Variants in GUCY2C observed in about 807,000 individuals in gnomAD.
GUCY2C encodes the protein guanylyl cyclase C.
GUCY2C carries 118 observed loss-of-function variants against 131.1 expected under a neutral mutation model. The observed-to-expected ratio is 0.90, with a 90% CI of 0.78 to 1.05. The LOEUF is 1.05. Ranked by LOEUF, GUCY2C falls within the 50% of genes least tolerant of loss-of-function variation. The pLI is 0.00. For missense variants in GUCY2C, 1,161 were observed against 1,304.4 expected (o/e 0.89, Z 1.69); for synonymous variants, 452 against 457.8 (o/e 0.99, Z 0.16).
Position 14,692,347 on chromosome 12 carries a change from C to T in GUCY2C, c.217+3885G>A, listed in dbSNP as rs151338547. ...AAAAGTGTAAACCAGTCTTCTCACT[C>T]GCTTTGTTTTTTTTCTTTTTTGGCT... On this transcript the variant is annotated intron_variant, in intron 1 of 26. Coordinates refer to ENST00000261170, the MANE Select transcript of GUCY2C (RefSeq NM_004963.4). 2.4e-4 allele frequency among the ~76,000 whole-genome samples: 37 copies of T among 152,128 alleles called. No homozygotes were observed. The East Asian group carries it at 6.2e-3, about 25-fold the overall frequency.
intron 19 of GUCY2C, among the ~76,000 whole-genome samples, chr12:14,635,124 T>C (rs1360383210): frequency 4.6e-5 from 7 of 152,140 alleles, no homozygotes; most frequent in Admixed American, 2.0e-4. Flanking sequence ...GAACCTAACA[T>C]TTACAGAACA....
At chr12:14,644,152 A>C (rs1471830812) in intron 16 of GUCY2C, among the ~76,000 whole-genome samples, 1 of 152,138 alleles carries the variant, frequency 6.6e-6, no homozygotes, top group African/African-American at 2.4e-5. Flanking sequence ...AAGTGGTTTC[A>C]TCCTATTTTG....
chr12:14,683,993 CCTTT>C (rs1171008085), intron 3 of GUCY2C, among the ~76,000 whole-genome samples: 2 of 152,116 alleles, frequency 1.3e-5, no homozygotes, highest in Non-Finnish European at 2.9e-5. Context: ...AGTTATCCTC[CCTTT>C]CTATGTCCAC....
chr12:14,665,831 C>G (rs557416162), intron 10 of GUCY2C: 2 of 152,168 alleles, frequency 1.3e-5, no homozygotes, highest in African/African-American at 4.8e-5. Flanking sequence ...TCCAGTCATG[C>G]ATATCGTATT....
intron 10 of GUCY2C, among the ~76,000 whole-genome samples, chr12:14,668,600 G>T (rs546849625): frequency 1.3e-5 from 2 of 150,780 alleles, no homozygotes; most frequent in African/African-American, 4.9e-5. Flanking sequence ...CACCACGCTT[G>T]GCTCTAAATA....
intron 19 of GUCY2C, among the ~76,000 whole-genome samples, chr12:14,630,850 A>G (rs919857686): frequency 1.3e-5 from 2 of 152,172 alleles, no homozygotes; most frequent in African/African-American, 4.8e-5. Flanking sequence ...AACTACACAA[A>G]TGAATTAAAG....
chr12:14,669,931 C>T lies in GUCY2C; in HGVS notation c.1171-98G>A, dbSNP rs79800888. The T allele has an allele frequency of 6.0e-3, 3,218 of 535,498 alleles. 112 individuals are homozygous for T. The highest frequency in any genetic ancestry group is 0.058 in the African/African-American group (2,946 of 50,830). The allele number at this position is 535,498 out of a possible 1,614,324, so 33.2% of individuals were successfully genotyped here. On this transcript the variant is annotated intron_variant, in intron 9 of 26. Transcript: ENST00000261170. Reference sequence around the variant, plus strand: ...ATTCTACACAATGACGCTTGATTTCCATAACAATTCTCAGTGAAAAAAGGC... The same window carrying T: ...ATTCTACACAATGACGCTTGATTTCTATAACAATTCTCAGTGAAAAAAGGC...
chr12:14,626,748 G>A (rs1415144291), intron 20 of GUCY2C, among the ~76,000 whole-genome samples: 1 of 152,166 alleles, frequency 6.6e-6, no homozygotes, highest in Non-Finnish European at 1.5e-5. Flanking sequence ...GTATTATTAA[G>A]CGAAAAAGTC....
At chr12:14,652,801 T>C in intron 13 of GUCY2C, 151 bp downstream of exon 13, 1 of 663,640 alleles carries the variant, frequency 1.5e-6, no homozygotes, top group Non-Finnish European at 2.7e-6. Flanking sequence ...AGCAGGGCCC[T>C]GCCCATCCCT....
chr12:14,622,272 A>G, intron 21 of GUCY2C, 75 bp from the exon 22 acceptor site: 1 of 930,640 alleles, frequency 1.1e-6, no homozygotes, highest in Admixed American at 3.5e-5. Flanking sequence ...TCTTTCAGGT[A>G]GTAGTGATTG....
At chr12:14,674,868 G>T in intron 7 of GUCY2C, 108 bp from the exon 8 acceptor site, 1 of 801,266 alleles carries the variant, frequency 1.2e-6, no homozygotes, top group Non-Finnish European at 2.0e-6. Context: ...AAGTTAAAGG[G>T]ATATCAGGGG....
At chr12:14,659,330 A>C (rs1033662945) in intron 11 of GUCY2C, among the ~76,000 whole-genome samples, 1 of 152,174 alleles carries the variant, frequency 6.6e-6, no homozygotes, top group African/African-American at 2.4e-5. Context: ...GGTGTGAGCC[A>C]CTGTGTTCGG....
At chr12:14,676,268 G>T (rs1948234455) in intron 7 of GUCY2C, among the ~76,000 whole-genome samples, 1 of 152,194 alleles carries the variant, frequency 6.6e-6, no homozygotes, top group African/African-American at 2.4e-5. Flanking sequence ...CCATGATTTA[G>T]TGTCCAAATG....
Position 14,665,074 on chromosome 12 carries a change from C to T in GUCY2C, c.1283-4012G>A, listed in dbSNP as rs184421613. The stretch of plus-strand genomic sequence containing the variant: ...TAAAAACATAAAAATTAGCCGGCCG[C>T]GGTGGCAGGTGCCTGTAATCAGTTC... On this transcript the variant is annotated intron_variant, in intron 10 of 26. Transcript: ENST00000261170. Among the ~76,000 whole-genome samples, 557 of 152,022 alleles carry T rather than the reference C, an allele frequency of 3.7e-3. 2 individuals carry two copies. The highest frequency in any genetic ancestry group is 5.6e-3 in the Non-Finnish European group (381 of 67,980).
At chr12:14,670,907 A>T (rs1948093862) in intron 9 of GUCY2C, among the ~76,000 whole-genome samples, 1 of 150,596 alleles carries the variant, frequency 6.6e-6, no homozygotes, top group Admixed American at 6.6e-5. Flanking sequence ...ATCATGGTGG[A>T]GGGTGAAAGG....
intron 8 of GUCY2C, chr12:14,674,228 GT>G (rs146800964): frequency 4.6e-4 from 121 of 264,998 alleles, no homozygotes; most frequent in African/African-American, 2.6e-3. Flanking sequence ...ATAGCTAAAG[GT>G]TTTAACACAG....
At chr12:14,639,463 A>G (rs571591845) in intron 19 of GUCY2C, among the ~76,000 whole-genome samples, 5 of 152,266 alleles carry the variant, frequency 3.3e-5, no homozygotes, top group African/African-American at 1.2e-4. Context: ...ATGCTACCTT[A>G]TTTGGAAAAA....
intron 3 of GUCY2C, 97 bp downstream of exon 3, chr12:14,686,064 C>G (rs896176723): frequency 1.3e-6 from 1 of 750,946 alleles, no homozygotes; most frequent in Non-Finnish European, 2.3e-6. Context: ...TAGACCTCAA[C>G]ACCTCTGATT....
chr12:14,618,886 AT>A (rs913369991), intron 24 of GUCY2C, among the ~76,000 whole-genome samples: 1 of 151,634 alleles, frequency 6.6e-6, no homozygotes, highest in Non-Finnish European at 1.5e-5. Flanking sequence ...TTGCCTACTG[AT>A]TTTTTTTTAA....
Sources: gnomAD v4.1 joint callset for allele counts (sites outside exome capture counted in the v4.1 genomes callset) on GRCh38, gnomAD v4.1.1 for gene constraint, MANE v1.5 for transcripts, NCBI Gene and HGNC (gene_info 2026-07-23, HGNC 2026-07-21) for gene names.